The following PTPRB variants were observed in gnomAD, a reference collection of about 807,000 sequenced individuals.
The protein encoded by PTPRB is protein tyrosine phosphatase receptor type B.
A neutral mutation model predicts 238.1 loss-of-function variants in PTPRB; 97 were observed. The observed-to-expected ratio is 0.41, with a 90% CI of 0.35 to 0.48. The LOEUF (loss-of-function observed/expected upper bound fraction) is 0.48. PTPRB is among the 20% of genes least tolerant of loss of function. The probability of loss-of-function intolerance (pLI) is 0.30; values close to 1 mark genes in which losing one functional copy is unlikely to be tolerated. For missense variants in PTPRB, 2,292 were observed against 2,681.9 expected, an observed-to-expected ratio of 0.85 and a Z score of 3.21; for synonymous variants, 970 against 995.4, an observed-to-expected ratio of 0.97 and a Z score of 0.48.
chr12:70,524,484 T>G lies in PTPRB; in HGVS notation c.6612A>C (p.Pro2204=). ...GTAAGTGCCCACCTCTGTGATACTCTGGATTCACATTTTCATAGATTGGAA... is the reference window on the plus strand; with the variant it reads ...GTAAGTGCCCACCTCTGTGATACTCGGGATTCACATTTTCATAGATTGGAA... ...PLFPIYENVN[P]EYHRDPVYSR... is the part of the protein sequence containing the mutation. Residue 2204 remains proline (P), a synonymous_variant, in exon 33 of 34, where the codon CCA becomes CCC. Transcript: ENST00000334414. 6.2e-7 allele frequency: 1 copy of G among 1,610,618 alleles called. No individual in the cohort carries two copies. Among genetic ancestry groups the G allele is most frequent in the Non-Finnish European group, 8.5e-7 (1 of 1,178,338 alleles).
intron 3 of PTPRB, among the ~76,000 whole-genome samples, chr12:70,613,765 C>G (rs141339852): frequency 6.6e-6 from 1 of 152,098 alleles, no homozygotes; most frequent in Admixed American, 6.5e-5. Flanking sequence ...GAGTCTCAAC[C>G]AACATTTGCT....
chr12:70,625,159 T>C (rs1043698784), intron 2 of PTPRB, among the ~76,000 whole-genome samples: 2 of 152,194 alleles, frequency 1.3e-5, no homozygotes, highest in Non-Finnish European at 2.9e-5. Context: ...CCAGTACCCT[T>C]TCATTTTGTG....
At chr12:70,594,413 A>G in intron 6 of PTPRB, 54 bp downstream of exon 6, 1 of 1,594,770 alleles carries the variant, frequency 6.3e-7, no homozygotes, top group Non-Finnish European at 8.6e-7. Flanking sequence ...TTGACTTATT[A>G]AACATTCCCT....
In PTPRB at chr12:70,524,548, C is replaced by T; in HGVS notation, c.6548G>A (p.Arg2183Lys). 1.2e-6 allele frequency: 2 copies of T among 1,613,132 alleles called. No homozygotes were observed. The highest frequency in any genetic ancestry group is 1.7e-6 in the Non-Finnish European group (2 of 1,179,222). ...YLHQCVRDVL[R>K]ARKLRSEQEN... The stretch of plus-strand genomic sequence containing the variant: ...TTGTTCACTCCGTAGCTTTCTTGCT[C>T]TGAGGACATCTCTTACACACTGATG... Residue 2183 changes from arginine (R) to lysine (K), a missense_variant, in exon 33 of 34, where the codon AGA becomes AAA. Coordinates refer to ENST00000334414, the MANE Select transcript of PTPRB (RefSeq NM_001109754.4).
chr12:70,621,657 T>C (rs1486527340), intron 3 of PTPRB, among the ~76,000 whole-genome samples: 1 of 152,352 alleles, frequency 6.6e-6, no homozygotes, highest in Admixed American at 6.5e-5. Flanking sequence ...GCTAAATGGA[T>C]GTGAAGTCAT....
At position 70,635,803 on chromosome 12, in the gene PTPRB, C is replaced by T; in HGVS notation, c.319G>A (p.Ala107Thr). The T allele has an allele frequency of 8.1e-6, 13 of 1,613,644 alleles. No individual in the cohort carries two copies. Among genetic ancestry groups the T allele is most frequent in the Non-Finnish European group, 9.3e-6 (11 of 1,179,748 alleles). The change falls in exon 2 of 34, where the codon GCC becomes ACC. Residue 107 changes from alanine to threonine, a missense_variant. Physicochemically the swap from Ala to Thr is moderately conservative, Grantham distance 58. Coordinates refer to ENST00000334414, the MANE Select transcript of PTPRB (RefSeq NM_001109754.4). The part of the protein sequence containing the change: ...DQEGFLEVEN[A>T]SLFLQKQGSR... ...CCTTGTTTCTGGAGAAAGAGAGAGGCATTTTCCACCTCAAGGAAGCCTTCC... is the reference window on the plus strand; with the variant it reads ...CCTTGTTTCTGGAGAAAGAGAGAGGTATTTTCCACCTCAAGGAAGCCTTCC...
intron 21 of PTPRB, among the ~76,000 whole-genome samples, chr12:70,548,346 TCACACACACACACACACA>T (rs56848578): frequency 3.1e-5 from 3 of 97,104 alleles, no homozygotes; most frequent in African/African-American, 7.3e-5. Flanking sequence ...TCTCTCTCTC[TCACACACACACACACACA>T]CACACACACA....
At chr12:70,636,143 A>G (rs1885679400) in intron 1 of PTPRB, 77 bp from the exon 2 acceptor site, 2 of 1,326,492 alleles carry the variant, frequency 1.5e-6, no homozygotes, top group Admixed American at 2.8e-5. Context: ...CCCACCCACA[A>G]ATGAGCTAAA....
In PTPRB at chr12:70,560,244, T is replaced by C. The variant is rs1878310202; in HGVS notation, c.4432+427A>G. On this transcript the variant is annotated intron_variant, in intron 17 of 33. Transcript: ENST00000334414. This position sits in a 1 kb window ranked among gnomAD's most constrained non-coding sequence, Gnocchi z 4.2. ...CAAGTGTGTGAAGATATTAATTCCA[T>C]CAGATTTTGGGGTACAGGGCTGACG... Among the ~76,000 whole-genome samples the C allele has an allele frequency of 6.6e-6, 1 of 152,142 alleles. No homozygotes were observed.
At chr12:70,531,586 A>C (rs1041637592) in intron 32 of PTPRB, among the ~76,000 whole-genome samples, 3 of 152,184 alleles carry the variant, frequency 2.0e-5, no homozygotes, top group African/African-American at 7.2e-5. Flanking sequence ...GTCTGGAAGT[A>C]GAATATAATA....
At chr12:70,529,711 G>A (rs984561620) in intron 32 of PTPRB, among the ~76,000 whole-genome samples, 14 of 152,186 alleles carry the variant, frequency 9.2e-5, no homozygotes, top group Middle Eastern at 3.4e-3. Flanking sequence ...AAATAACAGC[G>A]CTAGGCAGAG....
chr12:70,572,475 C>CA (rs1565961134), intron 11 of PTPRB, among the ~76,000 whole-genome samples: 1 of 151,726 alleles, frequency 6.6e-6, no homozygotes. Context: ...CCGCCCCCCT[C>CA]AAAAAAATGA....
intron 9 of PTPRB, among the ~76,000 whole-genome samples, chr12:70,586,173 T>C (rs1017160432): frequency 2.4e-4 from 36 of 152,326 alleles, no homozygotes; most frequent in African/African-American, 8.7e-4. Flanking sequence ...AGTAATGGGA[T>C]GGCTGGGTCA....
At chr12:70,566,370 G>C in intron 15 of PTPRB, 65 bp downstream of exon 15, 2 of 1,549,500 alleles carry the variant, frequency 1.3e-6, no homozygotes, top group Non-Finnish European at 1.7e-6. Flanking sequence ...CTCTCACCCT[G>C]GGGTTCTTAC....
At chr12:70,622,771 T>A in intron 2 of PTPRB, 125 bp from the exon 3 acceptor site, 1 of 1,163,750 alleles carries the variant, frequency 8.6e-7, no homozygotes, top group Non-Finnish European at 1.2e-6. Context: ...GCTTCAGTTA[T>A]ATGAAAAAGC....
At chr12:70,637,305 A>G (rs1375796876) in intron 1 of PTPRB, 36 bp downstream of exon 1, 1 of 1,575,896 alleles carries the variant, frequency 6.3e-7, no homozygotes, top group Admixed American at 1.8e-5. Flanking sequence ...TAGATCTTGA[A>G]GAAATGCCTC....
At chr12:70,546,519 GTGAC>G (rs1875995959) in intron 21 of PTPRB, among the ~76,000 whole-genome samples, 1 of 152,198 alleles carries the variant, frequency 6.6e-6, no homozygotes, top group Admixed American at 6.5e-5. Flanking sequence ...GATCATTTGA[GTGAC>G]TGACCTGAAC....
intron 21 of PTPRB, 144 bp downstream of exon 21, chr12:70,552,633 T>C (rs2136299042): frequency 3.6e-6 from 4 of 1,098,226 alleles, no homozygotes; most frequent in Non-Finnish European, 2.6e-6. Context: ...ATCCAACGTT[T>C]ATAAATTACC....
Position 70,626,349 on chromosome 12 carries a change from A to ATCTATCTT in PTPRB, c.452-3704_452-3703insAAGATAGA. ...TATCTATCTATCTATCTATCTATCT[A>ATCTATCTT]TCTATCTATCTATCTATATTCCTGC... On this transcript the variant is annotated intron_variant, in intron 2 of 33. Coordinates refer to ENST00000334414, the MANE Select transcript of PTPRB (RefSeq NM_001109754.4). Among the ~76,000 whole-genome samples the ATCTATCTT allele has an allele frequency of 2.8e-5, 4 of 142,154 alleles. No homozygotes were observed. In the South Asian group the frequency reaches 8.8e-4, roughly 31 times the overall value. The allele number at this position is 142,154 out of a possible 152,430, so 93.3% of individuals were successfully genotyped here.
Sources: gnomAD v4.1 joint callset for allele counts (sites outside exome capture counted in the v4.1 genomes callset) on GRCh38, gnomAD v4.1.1 for gene constraint, Gnocchi (gnomAD v3.1) non-coding constraint, MANE v1.5 for transcripts, NCBI Gene and HGNC (gene_info 2026-07-23, HGNC 2026-07-21) for gene names.